Variants in S100A7A observed in about 807,000 individuals in gnomAD.
S100A7A encodes the protein S100 calcium binding protein A7A, also known as protein S100-A7A.
A neutral mutation model predicts 4.0 loss-of-function variants in S100A7A; 5 were observed. The ratio of observed to expected loss-of-function variants is 1.26; its 90% confidence interval spans 0.66 to 2.66. The LOEUF is 2.66. Ranked by LOEUF, S100A7A falls within the 30% of genes most tolerant of loss-of-function variation. The pLI, the probability that S100A7A is intolerant of heterozygous loss-of-function variation, is 0.01. For synonymous variants in S100A7A, 52 were observed against 46.4 expected (o/e 1.12, Z -0.49); for missense variants, 159 against 125.1 (o/e 1.27, Z -1.29).
At position 153,419,352 on chromosome 1, in the gene S100A7A, A is replaced by C. The variant is rs758100403; in HGVS notation, c.*43A>C. The C allele has an allele frequency of 6.3e-7, 1 of 1,581,944 alleles. No homozygotes were observed. Among genetic ancestry groups the C allele is most frequent in the South Asian group, 1.1e-5 (1 of 87,394 alleles). The stretch of plus-strand genomic sequence containing the variant: ...GCCTCCAGAGACCCCAGGAACAATA[A>C]GTGTCTCCTCCCACCAGACACTTGC... On this transcript the variant is annotated 3_prime_UTR_variant, in exon 3 of 3. Transcript: ENST00000368729.
Position 153,418,015 on chromosome 1 carries a change from G to C in S100A7A, c.-17-51G>C, listed in dbSNP as rs115869232. ...GCCCTCCTTCTAACACCCCCACATA[G>C]AGACCTTAATTCAAACTAAGGTAAG... On this transcript the variant is annotated intron_variant, in intron 1 of 2. Transcript: ENST00000368729. The C allele has an allele frequency of 1.2e-5, 19 of 1,599,242 alleles. No individual in the cohort carries two copies. The South Asian group carries it at 1.9e-4, about 16-fold the overall frequency.
chr1:153,419,394 T>G lies in S100A7A; in HGVS notation c.*85T>G. On this transcript the variant is annotated 3_prime_UTR_variant, in exon 3 of 3. Coordinates refer to ENST00000368729, the MANE Select transcript of S100A7A (RefSeq NM_176823.4). ...GACACTTGCCTTATTTCTTCTTCTC[T>G]TTGGTGACCTACATTGTCAAAACTA... The G allele has an allele frequency of 7.0e-7, 1 of 1,426,134 alleles. No individual in the cohort carries two copies. The highest frequency in any genetic ancestry group is 2.3e-5 in the Admixed American group (1 of 43,662). The allele number at this position is 1,426,134 out of a possible 1,614,324, so 88.3% of individuals were successfully genotyped here. A position where few individuals can be genotyped will look rare whatever the true frequency, so the allele number is the denominator to read the frequency against.
chr1:153,422,261 AT>A lies in S100A7A; in HGVS notation c.*2955del, dbSNP rs1312114037. ...GCTCCAGTCACCAGATAGAAAATTGATTTGATTTCATCCAATATTCCTTCGA... is the reference window on the plus strand; with the variant it reads ...GCTCCAGTCACCAGATAGAAAATTGATTGATTTCATCCAATATTCCTTCGA... On this transcript the variant is annotated 3_prime_UTR_variant, in exon 3 of 3. Transcript: ENST00000368729. 6.5e-6 allele frequency: 1 copy of A among 152,898 alleles called. No homozygotes were observed. Among genetic ancestry groups the A allele is most frequent in the Non-Finnish European group, 1.5e-5 (1 of 68,656 alleles). 9.5% of individuals were successfully genotyped at this position (152,898 alleles called of 1,614,324 possible). A position where few individuals can be genotyped will look rare whatever the true frequency, so the allele number is the denominator to read the frequency against.
At chr1:153,418,272 G>A (rs1245658598) in intron 2 of S100A7A, 49 bp downstream of exon 2, 2 of 1,609,766 alleles carry the variant, frequency 1.2e-6, no homozygotes, top group African/African-American at 1.3e-5. Context: ...TGGCATGGCT[G>A]AGGATACATT....
chr1:153,416,545 G>A lies in S100A7A; in HGVS notation c.-36G>A, dbSNP rs888767061. On this transcript the variant is annotated 5_prime_UTR_variant, in exon 1 of 3. In the 5' UTR this introduces an upstream ATG that the reference lacks. Transcript: ENST00000368729. ...ACACATCTCACTCATCCTTCTACTC[G>A]TGACACTTCCCAGTTCTGGTAAGTC... is the stretch of plus-strand genomic sequence containing the variant. The A allele has an allele frequency of 1.6e-4, 80 of 489,458 alleles. No homozygotes were observed. Among genetic ancestry groups the A allele is most frequent in the African/African-American group, 4.2e-4 (21 of 50,304 alleles). The allele number at this position is 489,458 out of a possible 1,614,324, so 30.3% of individuals were successfully genotyped here. A position where few individuals can be genotyped will look rare whatever the true frequency, so the allele number is the denominator to read the frequency against.
In S100A7A at chr1:153,416,559, T is replaced by G. The variant is rs1007675152; in HGVS notation, c.-22T>G. ...TCCTTCTACTCGTGACACTTCCCAG[T>G]TCTGGTAAGTCTCACCTGCCTCTTT... On this transcript the variant is annotated 5_prime_UTR_variant, in exon 1 of 3. Coordinates refer to ENST00000368729, the MANE Select transcript of S100A7A (RefSeq NM_176823.4). The G allele has an allele frequency of 4.1e-6, 2 of 486,462 alleles. No homozygotes were observed. Among genetic ancestry groups the G allele is most frequent in the Non-Finnish European group, 8.2e-6 (2 of 243,652 alleles). The allele number at this position is 486,462 out of a possible 1,614,324, so 30.1% of individuals were successfully genotyped here.
At chr1:153,416,585 G>A in intron 1 of S100A7A, 22 bp downstream of exon 1, 3 of 472,962 alleles carry the variant, frequency 6.3e-6, no homozygotes, top group South Asian at 3.5e-5. Flanking sequence ...CTGCCTCTTT[G>A]CATTTTCTAG....
In S100A7A at chr1:153,421,409, G is replaced by A. The variant is rs1007015157; in HGVS notation, c.*2100G>A. ...CTTGGAATCATGGAGGGAAAACATT[G>A]TTACCTCGGATCTCCTGGTTACCCA... is the stretch of plus-strand genomic sequence containing the variant. On this transcript the variant is annotated 3_prime_UTR_variant, in exon 3 of 3. Coordinates refer to ENST00000368729, the MANE Select transcript of S100A7A (RefSeq NM_176823.4). 9.2e-5 allele frequency: 14 copies of A among 152,220 alleles called. No homozygotes were observed. The highest frequency in any genetic ancestry group is 1.9e-4 in the Non-Finnish European group (13 of 68,052). 9.4% of individuals were successfully genotyped at this position (152,220 alleles called of 1,614,324 possible). A position where few individuals can be genotyped will look rare whatever the true frequency, so the allele number is the denominator to read the frequency against.
chr1:153,417,478 C>G (rs1662754767), intron 1 of S100A7A, among the ~76,000 whole-genome samples: 1 of 152,328 alleles, frequency 6.6e-6, no homozygotes, highest in East Asian at 1.9e-4. Flanking sequence ...GGCCCCCTGT[C>G]CTCGGGAGAG....
At position 153,419,695 on chromosome 1, in the gene S100A7A, AC is replaced by A. The variant is rs1356796980; in HGVS notation, c.*387del. 1.6e-5 allele frequency: 3 copies of A among 185,602 alleles called. No homozygotes were observed. The highest frequency in any genetic ancestry group is 3.3e-5 in the Non-Finnish European group (3 of 90,098). The allele number at this position is 185,602 out of a possible 1,614,324, so 11.5% of individuals were successfully genotyped here. ...TCATTCAGACACATTCAGATACTGC[AC>A]TGAGAAGGAGCTGGCATCTCTCAGT... On this transcript the variant is annotated 3_prime_UTR_variant, in exon 3 of 3. Coordinates refer to ENST00000368729, the MANE Select transcript of S100A7A (RefSeq NM_176823.4).
chr1:153,418,475 GCA>G (rs1185233241), intron 2 of S100A7A, among the ~76,000 whole-genome samples: 7 of 152,178 alleles, frequency 4.6e-5, no homozygotes, highest in African/African-American at 1.7e-4. Flanking sequence ...TGAGGACAGT[GCA>G]CAGTCCCCTC....
intron 1 of S100A7A, chr1:153,417,228 G>C (rs1044179029): frequency 1.3e-5 from 2 of 152,256 alleles, no homozygotes. Context: ...TTCAGGCTTG[G>C]GGTGCAGGGC....
At position 153,419,638 on chromosome 1, in the gene S100A7A, C is replaced by A; in HGVS notation, c.*329C>A. The stretch of plus-strand genomic sequence containing the variant: ...GTAGAAGGCCCCTGCCAGGTCACAG[C>A]AATGCTCTCCTTGTCAAGGCATGGA... On this transcript the variant is annotated 3_prime_UTR_variant, in exon 3 of 3. Coordinates refer to ENST00000368729, the MANE Select transcript of S100A7A (RefSeq NM_176823.4). 3.0e-6 allele frequency: 1 copy of A among 332,284 alleles called. No homozygotes were observed. The highest frequency in any genetic ancestry group is 5.5e-6 in the Non-Finnish European group (1 of 180,666). 20.6% of individuals were successfully genotyped at this position (332,284 alleles called of 1,614,324 possible). A position where few individuals can be genotyped will look rare whatever the true frequency, so the allele number is the denominator to read the frequency against.
rs1662780986 is a variant in S100A7A, at chr1:153,418,126, A to T, written c.44A>T (p.Asp15Val). ...QAERSIIGMIDMFHKYTGRDG... is the reference protein window; with the variant it reads ...QAERSIIGMIVMFHKYTGRDG... ...GAGAGGTCCATAATAGGCATGATCG[A>T]CATGTTTCACAAATACACCGGACGT... The change falls in exon 2 of 3, where the codon GAC becomes GTC. Residue 15 changes from aspartate to valine, a missense_variant. Transcript: ENST00000368729. The T allele has an allele frequency of 6.2e-7, 1 of 1,614,176 alleles. No individual in the cohort carries two copies. Among genetic ancestry groups the T allele is most frequent in the Non-Finnish European group, 8.5e-7 (1 of 1,180,004 alleles).
chr1:153,422,731 A>G lies in S100A7A; in HGVS notation c.*3422A>G, dbSNP rs1444168377. On this transcript the variant is annotated 3_prime_UTR_variant, in exon 3 of 3. Coordinates refer to ENST00000368729, the MANE Select transcript of S100A7A (RefSeq NM_176823.4). The stretch of plus-strand genomic sequence containing the variant: ...CTGACATTTATTCAGCCTTCTCTAC[A>G]GGAATCTCTTATGTTCCCCCACATG... The G allele has an allele frequency of 6.5e-6, 1 of 155,032 alleles. No homozygotes were observed. The highest frequency in any genetic ancestry group is 2.4e-5 in the African/African-American group (1 of 41,484). The allele number at this position is 155,032 out of a possible 1,614,324, so 9.6% of individuals were successfully genotyped here.
rs1662837744 is a variant in S100A7A at position 153,419,459 on chromosome 1, C to A, written c.*150C>A. On this transcript the variant is annotated 3_prime_UTR_variant, in exon 3 of 3. Transcript: ENST00000368729. Reference sequence around the variant, plus strand: ...ACTTTGTTGGAGAATTTCCCCCACCCCCATCCAGTGGGTCACCCAGGAGTA... The same window carrying A: ...ACTTTGTTGGAGAATTTCCCCCACCACCATCCAGTGGGTCACCCAGGAGTA... The A allele has an allele frequency of 6.7e-6, 6 of 889,548 alleles. No individual in the cohort carries two copies. Among genetic ancestry groups the A allele is most frequent in the Non-Finnish European group, 1.0e-5 (6 of 588,044 alleles). The allele number at this position is 889,548 out of a possible 1,614,324, so 55.1% of individuals were successfully genotyped here.
intron 2 of S100A7A, 135 bp from the exon 3 acceptor site, chr1:153,419,010 C>G (rs1386791748): frequency 3.3e-6 from 3 of 913,628 alleles, no homozygotes; most frequent in Non-Finnish European, 5.1e-6. Context: ...CCCACTCACC[C>G]TGTGCTCTCA....
intron 1 of S100A7A, chr1:153,417,109 C>T (rs1662739032): frequency 6.6e-6 from 1 of 152,462 alleles, no homozygotes; most frequent in Admixed American, 6.5e-5. Flanking sequence ...GAGCTTTCTC[C>T]TGCGTTGAGA....
chr1:153,417,582 G>A (rs1662758224), intron 1 of S100A7A, among the ~76,000 whole-genome samples: 1 of 152,214 alleles, frequency 6.6e-6, no homozygotes, highest in African/African-American at 2.4e-5. Flanking sequence ...TTGAGTCAAG[G>A]TGGGGCCCAC....
Sources: gnomAD v4.1 joint callset for allele counts (sites outside exome capture counted in the v4.1 genomes callset) on GRCh38, gnomAD v4.1.1 for gene constraint, MANE v1.5 for transcripts, NCBI Gene and HGNC (gene_info 2026-07-23, HGNC 2026-07-21) for gene names.